PRKD1: variants seen among roughly 807,000 people sequenced by gnomAD.
PRKD1 encodes the protein serine/threonine-protein kinase D1.
A neutral mutation model predicts 95.9 loss-of-function variants in PRKD1; 63 were observed. That is an observed-to-expected ratio of 0.66 (90% CI 0.54 to 0.81). The LOEUF is 0.81. Among genes scored for constraint, PRKD1 ranks in the 30% least tolerant of loss-of-function variants. The pLI is 0.00. For missense variants in PRKD1, 1,048 were observed against 1,165.3 expected (o/e 0.90, Z 1.47); for synonymous variants, 425 against 423.1 (o/e 1.00, Z -0.05).
intron 13 of PRKD1, among the ~76,000 whole-genome samples, chr14:29,602,565 G>T (rs1893562302): frequency 6.6e-6 from 1 of 151,962 alleles, no homozygotes; most frequent in African/African-American, 2.4e-5. Flanking sequence ...GGGTAGCTGG[G>T]ATTACAGGCA....
chr14:29,926,894 A>C (rs1019310727), intron 1 of PRKD1, among the ~76,000 whole-genome samples: 5 of 152,018 alleles, frequency 3.3e-5, no homozygotes, highest in South Asian at 4.2e-4. Flanking sequence ...CAGGGTCCGT[A>C]GGGGAGAGAG....
chr14:29,636,395 T>C lies in PRKD1; in HGVS notation c.1085A>G (p.Glu362Gly). 6.2e-7 allele frequency: 1 copy of C among 1,614,160 alleles called. No individual in the cohort carries two copies. Among genetic ancestry groups the C allele is most frequent in the Non-Finnish European group, 8.5e-7 (1 of 1,180,032 alleles). The change falls in exon 7 of 18, where the codon GAA (glutamate) becomes GGA (glycine). Residue 362 changes from glutamate to glycine, a missense_variant. By Grantham distance (98) the Glu-to-Gly change is moderately conservative. Transcript: ENST00000331968. ...RNSGLMDDME[E>G]AMVQDAEMAM... is the part of the protein sequence containing the mutation. ...CATCTCTGCATCTTGGACCATTGCTTCTTCCATATCATCCATGAGCCCACT... is the reference window on the plus strand; with the variant it reads ...CATCTCTGCATCTTGGACCATTGCTCCTTCCATATCATCCATGAGCCCACT...
chr14:29,868,685 A>G (rs1019581484), intron 1 of PRKD1, among the ~76,000 whole-genome samples: 3 of 152,218 alleles, frequency 2.0e-5, no homozygotes, highest in African/African-American at 4.8e-5. Flanking sequence ...CTTGGAGTAA[A>G]GTGCAGCTTT....
chr14:29,802,966 A>G (rs529039467), intron 1 of PRKD1, among the ~76,000 whole-genome samples: 1 of 152,228 alleles, frequency 6.6e-6, no homozygotes, highest in Non-Finnish European at 1.5e-5. Flanking sequence ...CTCTGGTTTT[A>G]TTTTAAAAAT....
At chr14:29,585,382 T>C (rs1892885738) in intron 16 of PRKD1, among the ~76,000 whole-genome samples, 1 of 152,174 alleles carries the variant, frequency 6.6e-6, no homozygotes, top group Non-Finnish European at 1.5e-5. Context: ...CATCTTTCCT[T>C]TTCAGTTCTT....
At chr14:29,881,236 T>G (rs749908202) in intron 1 of PRKD1, among the ~76,000 whole-genome samples, 1 of 152,150 alleles carries the variant, frequency 6.6e-6, no homozygotes, top group African/African-American at 2.4e-5. Flanking sequence ...TGGGGACCGG[T>G]CTTTTCCGTG....
chr14:29,917,818 A>C (rs551651133), intron 1 of PRKD1, among the ~76,000 whole-genome samples: 2 of 152,214 alleles, frequency 1.3e-5, no homozygotes, highest in African/African-American at 4.8e-5. Flanking sequence ...AACAAAATAA[A>C]ACATAACGCA....
At chr14:29,814,309 G>A (rs1438626190) in intron 1 of PRKD1, among the ~76,000 whole-genome samples, 1 of 152,188 alleles carries the variant, frequency 6.6e-6, no homozygotes, top group East Asian at 1.9e-4. Flanking sequence ...GCATTTGCCA[G>A]GTGTGGCAAA....
intron 1 of PRKD1, among the ~76,000 whole-genome samples, chr14:29,786,502 C>G (rs1227059303): frequency 6.6e-6 from 1 of 152,060 alleles, no homozygotes; most frequent in East Asian, 1.9e-4. Context: ...CTTTTTGTTA[C>G]TGATTCAATC....
intron 2 of PRKD1, among the ~76,000 whole-genome samples, chr14:29,691,589 C>T (rs1884236601): frequency 1.3e-5 from 2 of 151,978 alleles, no homozygotes; most frequent in South Asian, 2.1e-4. Flanking sequence ...ACTAATTGCA[C>T]CCAAAGTAAC....
rs1197728416 is a variant in PRKD1, at chr14:29,624,199, G to GA, written c.1857dup (p.Pro620SerfsTer10). On this transcript the variant is annotated frameshift_variant, in exon 13 of 18. Transcript: ENST00000331968. LOFTEE classifies it high-confidence loss of function. ...CGAAGCTGGCTTTCTTGTTTTGTTG[G>GA]AAATCGTAATTTGTCAATGATTTTA... The GA allele has an allele frequency of 1.1e-5, 18 of 1,604,828 alleles. No homozygotes were observed. The East Asian group carries it at 4.1e-4, about 36-fold the overall frequency.
At chr14:29,578,181 C>T in intron 17 of PRKD1, 94 bp downstream of exon 17, 1 of 986,706 alleles carries the variant, frequency 1.0e-6, no homozygotes, top group Non-Finnish European at 1.5e-6. Flanking sequence ...AATAATCACA[C>T]TTTAAAAATT....
chr14:29,732,148 C>G (rs1361543488), intron 1 of PRKD1, among the ~76,000 whole-genome samples: 2 of 152,172 alleles, frequency 1.3e-5, no homozygotes, highest in African/African-American at 4.8e-5. Flanking sequence ...GCTGGGATTA[C>G]AGGCGTGAGT....
At chr14:29,656,275 T>C (rs1342392646) in intron 4 of PRKD1, among the ~76,000 whole-genome samples, 1 of 152,222 alleles carries the variant, frequency 6.6e-6, no homozygotes, top group Non-Finnish European at 1.5e-5. Flanking sequence ...TTATTGGGAC[T>C]GTGAAAAGTT....
chr14:29,626,489 T>C lies in PRKD1; in HGVS notation c.1793A>G (p.Tyr598Cys). The C allele has an allele frequency of 6.2e-7, 1 of 1,610,944 alleles. No homozygotes were observed. The highest frequency in any genetic ancestry group is 8.5e-7 in the Non-Finnish European group (1 of 1,178,382). ...TACTCAGTGAGATAACCTACCTCCA[T>C]AAACAATTCCAAACTGTCCAGAACC... ...VLGSGQFGIV[Y>C]GGKHRKTGRD... is the part of the protein sequence containing the mutation. Residue 598 changes from tyrosine to cysteine, a missense_variant, in exon 12 of 18, where the codon TAT becomes TGT. Tyr to Cys is a radical substitution (Grantham distance 194). Transcript: ENST00000331968.
At chr14:29,732,564 A>T (rs1886491099) in intron 1 of PRKD1, among the ~76,000 whole-genome samples, 1 of 152,164 alleles carries the variant, frequency 6.6e-6, no homozygotes, top group Non-Finnish European at 1.5e-5. Flanking sequence ...GTCACTCTTC[A>T]TGGATTTGTA....
chr14:29,688,948 CAAAAAAAAAA>C (rs377212196), intron 2 of PRKD1, among the ~76,000 whole-genome samples: 2 of 32,488 alleles, frequency 6.2e-5, no homozygotes, highest in East Asian at 2.5e-3. Flanking sequence ...GACTCCGTCT[CAAAAAAAAAA>C]AAAAAAAAAA....
intron 1 of PRKD1, among the ~76,000 whole-genome samples, chr14:29,858,637 T>G (rs960950123): frequency 6.6e-6 from 1 of 152,184 alleles, no homozygotes; most frequent in Non-Finnish European, 1.5e-5. Flanking sequence ...GATTTTTTTT[T>G]TCTTAATGGC....
intron 1 of PRKD1, among the ~76,000 whole-genome samples, chr14:29,773,190 G>T (rs1888585239): frequency 6.6e-6 from 1 of 152,116 alleles, no homozygotes; most frequent in South Asian, 2.1e-4. Flanking sequence ...GCCGGCTGTG[G>T]TGACTCATGC....
Sources: allele counts gnomAD v4.1 joint callset (sites outside exome capture counted in the v4.1 genomes callset), GRCh38; gene constraint gnomAD v4.1.1; transcripts MANE v1.5; gene names NCBI Gene and HGNC (gene_info 2026-07-23, HGNC 2026-07-21).